The following GLRA2 variants were observed in gnomAD, a reference collection of about 807,000 sequenced individuals.
GLRA2 encodes the protein glycine receptor subunit alpha-2.
In GLRA2, 11 loss-of-function variants were observed where a neutral mutation model predicts 31.6. The observed-to-expected ratio is 0.35, with a 90% CI of 0.22 to 0.58. The LOEUF is 0.58. GLRA2 is among the 20% of genes least tolerant of loss of function. The pLI, the probability that GLRA2 is intolerant of heterozygous loss-of-function variation, is 0.84. For synonymous variants in GLRA2, 132 were observed against 134.0 expected, an observed-to-expected ratio of 0.99 and a Z score of 0.10; for missense variants, 212 against 351.8, an observed-to-expected ratio of 0.60 and a Z score of 3.18.
At position 14,634,859 on chromosome X, in the gene GLRA2, A is replaced by T. The variant is rs779551829; in HGVS notation, c.930+25654A>T. Among the ~76,000 whole-genome samples the T allele has an allele frequency of 5.3e-5, 6 of 112,239 alleles. No homozygotes were observed. In the East Asian group the frequency reaches 1.7e-3, roughly 31 times the overall value. ...GTGCGTTAATTCCCTCATAATGTAG[A>T]TTTGACCATATTAGCAGCCACTTGA... On this transcript the variant is annotated intron_variant, in intron 7 of 8. Transcript: ENST00000218075.
chrX:14,707,231 G>A, intron 8 of GLRA2, among the ~76,000 whole-genome samples: 1 of 111,173 alleles, frequency 9.0e-6, no homozygotes, highest in Admixed American at 9.6e-5. Context: ...ACATGCTTAG[G>A]GCCAGGAGTC....
At chrX:14,460,548 A>G in the GLRA2 span, among the ~76,000 whole-genome samples, 1 of 111,524 alleles carries the variant, frequency 9.0e-6, no homozygotes, top group Non-Finnish European at 1.9e-5. Context: ...TCAATTTCAG[A>G]ACCTGTTATT....
At chrX:14,473,860 A>T in the GLRA2 span, among the ~76,000 whole-genome samples, 1 of 111,884 alleles carries the variant, frequency 8.9e-6, no homozygotes, top group South Asian at 3.7e-4. Context: ...GAAAATAGAG[A>T]TTTTCCCCTT....
At chrX:14,480,780 A>G in the GLRA2 span, among the ~76,000 whole-genome samples, 1 of 111,857 alleles carries the variant, frequency 8.9e-6, no homozygotes, top group South Asian at 3.7e-4. Context: ...TATAGTTTGA[A>G]GTAGGGTAAC....
intron 2 of GLRA2, among the ~76,000 whole-genome samples, chrX:14,545,148 G>A (rs957928141): frequency 1.2e-4 from 14 of 112,023 alleles, no homozygotes; most frequent in African/African-American, 4.5e-4. Context: ...GATACCAATT[G>A]TCTTAGTGCA....
At chrX:14,652,765 G>A (rs749697721) in intron 7 of GLRA2, among the ~76,000 whole-genome samples, 82 of 111,108 alleles carry the variant, frequency 7.4e-4, no homozygotes, top group African/African-American at 2.6e-3. Context: ...CCTATACCCT[G>A]AGACACAGCA....
intron 7 of GLRA2, among the ~76,000 whole-genome samples, chrX:14,639,456 A>C (rs1325566701): frequency 8.9e-6 from 1 of 112,387 alleles, no homozygotes; most frequent in Non-Finnish European, 1.9e-5. Flanking sequence ...TTAACATTTA[A>C]ATAGTTAAAT....
At chrX:14,602,941 C>G (rs2090292486) in intron 4 of GLRA2, among the ~76,000 whole-genome samples, 1 of 111,284 alleles carries the variant, frequency 9.0e-6, no homozygotes, top group Admixed American at 9.5e-5. Context: ...GGGTAGATAC[C>G]CAGTAGTGGG....
chrX:14,709,188 C>T (rs2091677026), intron 8 of GLRA2, among the ~76,000 whole-genome samples: 3 of 110,833 alleles, frequency 2.7e-5, no homozygotes, highest in Admixed American at 9.6e-5. Context: ...GAGCTATGAT[C>T]ACGGCACTGC....
At chrX:14,560,915 TTTAAA>T (rs2089723518) in intron 2 of GLRA2, among the ~76,000 whole-genome samples, 1 of 111,074 alleles carries the variant, frequency 9.0e-6, no homozygotes, top group Admixed American at 9.6e-5. Flanking sequence ...TAACAAGTGT[TTTAAA>T]ATATAGTCAT....
intron 7 of GLRA2, among the ~76,000 whole-genome samples, chrX:14,648,990 C>A (rs1601798998): frequency 9.0e-6 from 1 of 111,164 alleles, no homozygotes; most frequent in Non-Finnish European, 1.9e-5. Context: ...CCGAGGCGGG[C>A]GAATCACAAG....
At chrX:14,577,590 A>G (rs957755883) in intron 3 of GLRA2, among the ~76,000 whole-genome samples, 4 of 110,982 alleles carry the variant, frequency 3.6e-5, no homozygotes, top group Non-Finnish European at 7.6e-5. Flanking sequence ...TCTGATGAGA[A>G]CTCTATTTGG....
At chrX:14,697,117 A>G (rs1400474038) in intron 8 of GLRA2, among the ~76,000 whole-genome samples, 1 of 111,334 alleles carries the variant, frequency 9.0e-6, no homozygotes, top group African/African-American at 3.3e-5. Context: ...AACAAGAGCT[A>G]ACATTTATTG....
the GLRA2 span, among the ~76,000 whole-genome samples, chrX:14,448,940 G>A: frequency 9.0e-6 from 1 of 110,910 alleles, no homozygotes; most frequent in Non-Finnish European, 1.9e-5. Context: ...TGGACGGTGA[G>A]TGAGCTGCTG....
intron 7 of GLRA2, among the ~76,000 whole-genome samples, chrX:14,682,885 C>A (rs1221058487): frequency 9.0e-6 from 1 of 111,078 alleles, no homozygotes; most frequent in East Asian, 2.8e-4. Context: ...TGAACTCATC[C>A]TTTTTTATGG....
At chrX:14,717,838 G>C (rs927719108) in intron 8 of GLRA2, among the ~76,000 whole-genome samples, 1 of 108,925 alleles carries the variant, frequency 9.2e-6, no homozygotes, top group East Asian at 2.9e-4. Context: ...CAATTTCAAA[G>C]AAATCATCCA....
At chrX:14,460,446 G>A in the GLRA2 span, among the ~76,000 whole-genome samples, 1 of 111,931 alleles carries the variant, frequency 8.9e-6, no homozygotes, top group African/African-American at 3.3e-5. Context: ...CAGAAGGAAT[G>A]GAACCAGCTC....
At chrX:14,449,190 T>G in the GLRA2 span, among the ~76,000 whole-genome samples, 1 of 111,823 alleles carries the variant, frequency 8.9e-6, no homozygotes, top group African/African-American at 3.3e-5. Flanking sequence ...AGAGAGGAGA[T>G]GCAGACACCA....
chrX:14,571,357 G>A (rs920855996), intron 2 of GLRA2, among the ~76,000 whole-genome samples: 1 of 111,855 alleles, frequency 8.9e-6, no homozygotes, highest in Non-Finnish European at 1.9e-5. Context: ...GAAAGGTTGT[G>A]CTGACACATG....
Sources: gnomAD v4.1 joint callset for allele counts (sites outside exome capture counted in the v4.1 genomes callset) on GRCh38, gnomAD v4.1.1 for gene constraint, MANE v1.5 for transcripts, NCBI Gene and HGNC (gene_info 2026-07-23, HGNC 2026-07-21) for gene names.